ARIH2: variants seen among roughly 807,000 people sequenced by gnomAD.
ARIH2 encodes ariadne RBR E3 ubiquitin protein ligase 2.
Under a neutral mutation model 79.8 loss-of-function variants are expected in ARIH2, and 12 were observed. The ratio of observed to expected loss-of-function variants is 0.15; its 90% CI spans 0.10 to 0.24. ARIH2 has a LOEUF of 0.24. Among genes scored for constraint, ARIH2 ranks in the 10% least tolerant of loss-of-function variants. ARIH2 has a pLI of 1.00. For missense variants in ARIH2, 301 were observed against 618.3 expected (o/e 0.49, Z 5.44); for synonymous variants, 224 against 213.9 (o/e 1.05, Z -0.41).
At chr3:48,980,299 C>A in intron 12 of ARIH2, 54 bp from the exon 13 acceptor site, 3 of 1,589,816 alleles carry the variant, frequency 1.9e-6, no homozygotes, top group South Asian at 2.3e-5. Context: ...CCTGTGTAGA[C>A]CTCTGCACCT....
chr3:48,935,909 A>G (rs2107113683), intron 3 of ARIH2, among the ~76,000 whole-genome samples: 2 of 152,282 alleles, frequency 1.3e-5, no homozygotes, highest in South Asian at 4.1e-4. Context: ...GAGTGTGCGT[A>G]TGATATTGGG....
intron 3 of ARIH2, among the ~76,000 whole-genome samples, chr3:48,957,326 TA>T: frequency 6.6e-6 from 1 of 152,380 alleles, no homozygotes; most frequent in African/African-American, 2.4e-5. Context: ...TTGACCTTTC[TA>T]ATGAAACAAC....
intron 3 of ARIH2, among the ~76,000 whole-genome samples, chr3:48,954,908 A>G (rs1246477542): frequency 6.6e-6 from 1 of 152,200 alleles, no homozygotes; most frequent in East Asian, 1.9e-4. Context: ...TAGAAAAAGC[A>G]TTCATAGTGC....
chr3:48,972,219 G>T (rs1025375199), intron 8 of ARIH2, among the ~76,000 whole-genome samples: 1 of 152,206 alleles, frequency 6.6e-6, no homozygotes, highest in Admixed American at 6.5e-5. Context: ...TTTAAACAAG[G>T]TATTTAACAT....
intron 8 of ARIH2, among the ~76,000 whole-genome samples, chr3:48,973,445 C>T (rs981293693): frequency 4.6e-5 from 7 of 151,842 alleles, no homozygotes; most frequent in Admixed American, 3.9e-4. Context: ...GGCATGGTGG[C>T]GGGCACCTGT....
chr3:48,964,593 G>C (rs1342276573), intron 4 of ARIH2, among the ~76,000 whole-genome samples: 1 of 152,220 alleles, frequency 6.6e-6, no homozygotes, highest in African/African-American at 2.4e-5. Flanking sequence ...GGGATTGCAG[G>C]AGTAAGCCAC....
chr3:48,933,424 A>C (rs1347437029), intron 3 of ARIH2, among the ~76,000 whole-genome samples: 1 of 151,878 alleles, frequency 6.6e-6, no homozygotes. Flanking sequence ...CAGCCTCCCA[A>C]AGTGCTGGGG....
rs1035757800 is a variant in ARIH2, at chr3:48,985,786, T to G, written c.*2516T>G. The stretch of plus-strand genomic sequence containing the variant: ...AGTTTTCCGCTCTCCTCTCCCTCAG[T>G]ACAGGCTGAATCATTCCCCACCACA... On this transcript the variant is annotated 3_prime_UTR_variant, in exon 16 of 16. Coordinates refer to ENST00000356401, the MANE Select transcript of ARIH2 (RefSeq NM_006321.4). The G allele has an allele frequency of 2.6e-5, 4 of 152,182 alleles. No homozygotes were observed. The highest frequency in any genetic ancestry group is 5.9e-5 in the Non-Finnish European group (4 of 68,088). 9.4% of individuals were successfully genotyped at this position (152,182 alleles called of 1,614,324 possible).
chr3:48,970,823 A>G lies in ARIH2; in HGVS notation c.770+119A>G, dbSNP rs1362540599. On this transcript the variant is annotated intron_variant, in intron 8 of 15. Coordinates refer to ENST00000356401, the MANE Select transcript of ARIH2 (RefSeq NM_006321.4). Reference sequence around the variant, plus strand: ...GAGGCAGGGTCTCTGAGCCAACAGAACAGCTGTGCTCCAAGTGGGTAGGTT... The same window carrying G: ...GAGGCAGGGTCTCTGAGCCAACAGAGCAGCTGTGCTCCAAGTGGGTAGGTT... 1.9e-4 allele frequency: 134 copies of G among 701,486 alleles called. 1 individual carries two copies. In the East Asian group the frequency reaches 3.6e-3, roughly 19 times the overall value. The allele number at this position is 701,486 out of a possible 1,614,324, so 43.5% of individuals were successfully genotyped here.
At chr3:48,979,783 A>G (rs2092685322) in intron 12 of ARIH2, 150 bp downstream of exon 12, 3 of 791,376 alleles carry the variant, frequency 3.8e-6, no homozygotes, top group African/African-American at 1.7e-5. Context: ...TGCTGCCTCT[A>G]TAGATGTGCC....
At position 48,983,644 on chromosome 3, in the gene ARIH2, G is replaced by T. The variant is rs935473784; in HGVS notation, c.*374G>T. 2 of 191,288 alleles carry T rather than the reference G, an allele frequency of 1.0e-5. No individual in the cohort carries two copies. The highest frequency in any genetic ancestry group is 1.1e-4 in the Admixed American group (2 of 17,456). 11.8% of individuals were successfully genotyped at this position (191,288 alleles called of 1,614,324 possible). On this transcript the variant is annotated 3_prime_UTR_variant, in exon 16 of 16. Transcript: ENST00000356401. The stretch of plus-strand genomic sequence containing the variant: ...AAGGCAAACTATAGGATAACACAGA[G>T]CCCTTTTTGAAAATAAATTGGCATT...
intron 1 of ARIH2, chr3:48,919,400 G>A: frequency 2.6e-6 from 1 of 387,308 alleles, no homozygotes; most frequent in East Asian, 4.1e-5. Flanking sequence ...TCCCCAGCTC[G>A]CGGGCTCCGC....
intron 3 of ARIH2, among the ~76,000 whole-genome samples, chr3:48,933,515 T>C (rs1002016790): frequency 6.6e-6 from 1 of 151,264 alleles, no homozygotes; most frequent in Non-Finnish European, 1.5e-5. Flanking sequence ...TCAGCACATG[T>C]GTGGCATAGT....
intron 3 of ARIH2, among the ~76,000 whole-genome samples, chr3:48,942,342 C>T (rs956003985): frequency 5.9e-5 from 9 of 152,146 alleles, no homozygotes; most frequent in Admixed American, 1.3e-4. Flanking sequence ...TGAGCCACTA[C>T]GTCCAGCCAA....
In ARIH2 at chr3:48,984,335, G is replaced by GCA. The variant is rs1484589643; in HGVS notation, c.*1068_*1069dup. ...ACTTTCTGGCATGGGGGCTGTGTTT[G>GCA]CACAAGTTATTTTCATGTTACCTGG... On this transcript the variant is annotated 3_prime_UTR_variant, in exon 16 of 16. Transcript: ENST00000356401. 3 of 152,642 alleles carry GCA rather than the reference G, an allele frequency of 2.0e-5. No homozygotes were observed. The highest frequency in any genetic ancestry group is 2.0e-4 in the Admixed American group (3 of 15,274). 9.5% of individuals were successfully genotyped at this position (152,642 alleles called of 1,614,324 possible).
intron 11 of ARIH2, among the ~76,000 whole-genome samples, chr3:48,976,735 C>A (rs2092522521): frequency 6.6e-6 from 1 of 152,194 alleles, no homozygotes; most frequent in African/African-American, 2.4e-5. Flanking sequence ...CATCCCAGCA[C>A]CCACCACATT....
intron 3 of ARIH2, among the ~76,000 whole-genome samples, chr3:48,949,951 A>C (rs550422276): frequency 6.6e-6 from 1 of 151,688 alleles, no homozygotes; most frequent in African/African-American, 2.4e-5. Context: ...TTTTTTAAAA[A>C]ATTTTTCTTT....
chr3:48,952,057 T>C (rs1293205188), intron 3 of ARIH2, among the ~76,000 whole-genome samples: 1 of 152,150 alleles, frequency 6.6e-6, no homozygotes, highest in Non-Finnish European at 1.5e-5. Flanking sequence ...TTTTTGGACC[T>C]TTTTTAATAT....
At chr3:48,948,196 T>G (rs2089465961) in intron 3 of ARIH2, among the ~76,000 whole-genome samples, 3 of 152,020 alleles carry the variant, frequency 2.0e-5, no homozygotes, top group Admixed American at 2.0e-4. Context: ...CTCCTGACCT[T>G]GTGATCCGCC....
Sources: allele counts gnomAD v4.1 joint callset (sites outside exome capture counted in the v4.1 genomes callset), GRCh38; gene constraint gnomAD v4.1.1; transcripts MANE v1.5; gene names NCBI Gene and HGNC (gene_info 2026-07-23, HGNC 2026-07-21).